The following WDR27 variants were observed in gnomAD, a reference collection of about 807,000 sequenced individuals.
WDR27 encodes WD repeat domain 27, also known as WD repeat-containing protein 27.
A neutral mutation model predicts 114.4 loss-of-function variants in WDR27; 100 were observed. The ratio of observed to expected loss-of-function variants is 0.87; its 90% CI spans 0.74 to 1.03. The LOEUF (loss-of-function observed/expected upper bound fraction) is 1.03. WDR27 is among the 50% of genes least tolerant of loss of function. The pLI is 0.00. For synonymous variants in WDR27, 449 were observed against 423.1 expected, an observed-to-expected ratio of 1.06 and a Z score of -0.75; for missense variants, 1,129 against 1,092.9, an observed-to-expected ratio of 1.03 and a Z score of -0.47.
chr6:169,660,598 A>G (rs965899794), intron 10 of WDR27, 65 bp downstream of exon 10: 114 of 1,367,178 alleles, frequency 8.3e-5, no homozygotes, highest in Non-Finnish European at 1.1e-4. Flanking sequence ...AAACACTTAC[A>G]CTACCCCACA....
chr6:169,499,282 C>T (rs1396698242), intron 25 of WDR27, among the ~76,000 whole-genome samples: 4 of 152,216 alleles, frequency 2.6e-5, no homozygotes, highest in Admixed American at 6.5e-5. Flanking sequence ...GCTACACACG[C>T]GGAGCTGCGC....
At position 169,613,110 on chromosome 6, in the gene WDR27, T is replaced by C. The variant is rs138637261; in HGVS notation, c.2321+449A>G. Among the ~76,000 whole-genome samples, 694 of 152,356 alleles carry C rather than the reference T, an allele frequency of 4.6e-3. 3 individuals carry two copies. The highest frequency in any genetic ancestry group is 0.015 in the African/African-American group (640 of 41,572). ...TGATGTGAAATGAGAAGTAATTTAC[T>C]TAATGATAGTATATCTAAGGAAATG... On this transcript the variant is annotated intron_variant, in intron 22 of 25. Coordinates refer to ENST00000448612, the MANE Select transcript of WDR27 (RefSeq NM_182552.5).
Position 169,659,413 on chromosome 6 carries a change from CGTCTCATAGACAG to C in WDR27, c.1197+25_1197+37del. The C allele has an allele frequency of 6.3e-7, 1 of 1,597,996 alleles. No individual in the cohort carries two copies. Among genetic ancestry groups the C allele is most frequent in the Non-Finnish European group, 8.5e-7 (1 of 1,171,618 alleles). On this transcript the variant is annotated intron_variant, in intron 11 of 25. Transcript: ENST00000448612. This position sits in a 1 kb window ranked among gnomAD's most constrained non-coding sequence, Gnocchi z 4.3. Reference sequence around the variant, plus strand: ...CTGAAGAAAGAAGAAATCAGAGGCACGTCTCATAGACAGGGAGGGCCGCGTCTCAGGACTGACC... The same window carrying C: ...CTGAAGAAAGAAGAAATCAGAGGCACGGAGGGCCGCGTCTCAGGACTGACC...
intron 25 of WDR27, among the ~76,000 whole-genome samples, chr6:169,493,239 A>T (rs1789991422): frequency 6.6e-6 from 1 of 152,116 alleles, no homozygotes; most frequent in South Asian, 2.1e-4. Flanking sequence ...CTGTTAATAT[A>T]AAAGAAATTA....
intron 22 of WDR27, among the ~76,000 whole-genome samples, chr6:169,603,834 G>A (rs1274190788): frequency 6.6e-6 from 1 of 152,204 alleles, no homozygotes; most frequent in African/African-American, 2.4e-5. Context: ...TCTTCTTACA[G>A]CACGTGGCAC....
chr6:169,632,817 A>T, intron 21 of WDR27, 130 bp downstream of exon 21: 1 of 873,122 alleles, frequency 1.1e-6, no homozygotes, highest in Non-Finnish European at 1.6e-6. Flanking sequence ...CGAATAATTT[A>T]ATGATCAATA....
the WDR27 span, among the ~76,000 whole-genome samples, chr6:169,435,005 C>G: frequency 6.6e-6 from 1 of 152,316 alleles, no homozygotes; most frequent in African/African-American, 2.4e-5. Context: ...CAGGGCACCC[C>G]TGCTGTGTGC....
At chr6:169,532,558 G>A (rs779920461) in intron 25 of WDR27, among the ~76,000 whole-genome samples, 3 of 152,010 alleles carry the variant, frequency 2.0e-5, no homozygotes, top group Non-Finnish European at 4.4e-5. Context: ...GAAATACATT[G>A]CCAGTCTTTT....
intron 2 of WDR27, among the ~76,000 whole-genome samples, chr6:169,676,668 G>A (rs555946601): frequency 4.6e-5 from 7 of 152,268 alleles, no homozygotes; most frequent in East Asian, 3.9e-4. Flanking sequence ...TCCACGATCC[G>A]TTATCTTAAC....
chr6:169,640,562 T>C (rs1159619687), intron 17 of WDR27, among the ~76,000 whole-genome samples: 1 of 152,236 alleles, frequency 6.6e-6, no homozygotes, highest in Admixed American at 6.5e-5. Context: ...AAGTCACGTT[T>C]GTGACTGCCA....
At chr6:169,481,557 G>C (rs74671831) in intron 25 of WDR27, among the ~76,000 whole-genome samples, 2,682 of 152,236 alleles carry the variant, frequency 0.018, 80 homozygotes, top group African/African-American at 0.061. Context: ...AGCACTCACC[G>C]CAAAAGTCTG....
At chr6:169,496,585 T>C (rs3006171) in intron 25 of WDR27, among the ~76,000 whole-genome samples, 135,439 of 152,150 alleles carry the variant, frequency 0.89, 61,297 homozygotes, top group Non-Finnish European at 0.94. Flanking sequence ...CAAATGAATA[T>C]AGCAAAGTAG....
chr6:169,607,428 A>AC (rs1412375260), intron 22 of WDR27, among the ~76,000 whole-genome samples: 1,112 of 22,834 alleles, frequency 0.049, 12 homozygotes, highest in African/African-American at 0.11. Context: ...ACACACATAT[A>AC]ATATAATATT....
intron 23 of WDR27, among the ~76,000 whole-genome samples, chr6:169,591,138 C>T (rs1419487550): frequency 1.3e-5 from 2 of 152,176 alleles, no homozygotes; most frequent in Non-Finnish European, 2.9e-5. Flanking sequence ...TCCTCATCAT[C>T]ACCTGTCTTT....
chr6:169,530,626 A>G (rs59519560), intron 25 of WDR27, among the ~76,000 whole-genome samples: 2,483 of 152,220 alleles, frequency 0.016, 63 homozygotes, highest in African/African-American at 0.057. Flanking sequence ...TACATAGGAG[A>G]CTGCAACGCA....
the WDR27 span, among the ~76,000 whole-genome samples, chr6:169,428,713 C>T: frequency 3.9e-5 from 6 of 152,134 alleles, no homozygotes; most frequent in South Asian, 2.1e-4. Context: ...GCCTGCTGTG[C>T]GGGGAGGGCC....
intron 24 of WDR27, among the ~76,000 whole-genome samples, chr6:169,582,345 T>C (rs779958108): frequency 4.6e-5 from 7 of 152,240 alleles, no homozygotes; most frequent in African/African-American, 1.4e-4. Flanking sequence ...TTCATTTTTA[T>C]ATACAATTGA....
downstream of WDR27, among the ~76,000 whole-genome samples, chr6:169,452,670 C>CA (rs1291343588): frequency 6.6e-6 from 1 of 152,176 alleles, no homozygotes; most frequent in Non-Finnish European, 1.5e-5. Context: ...GCAAAGTGGA[C>CA]AAAGCCAGGG....
intron 25 of WDR27, among the ~76,000 whole-genome samples, chr6:169,513,207 C>T (rs1383431055): frequency 6.6e-6 from 1 of 152,116 alleles, no homozygotes; most frequent in Non-Finnish European, 1.5e-5. Context: ...CAGTCTCCAG[C>T]ATGGTGGCCT....
Sources: gnomAD v4.1 joint callset for allele counts (sites outside exome capture counted in the v4.1 genomes callset) on GRCh38, gnomAD v4.1.1 for gene constraint, Gnocchi (gnomAD v3.1) non-coding constraint, MANE v1.5 for transcripts, NCBI Gene and HGNC (gene_info 2026-07-23, HGNC 2026-07-21) for gene names.